IGSF21: variants seen among roughly 807,000 people sequenced by gnomAD.
The protein encoded by IGSF21 is immunoglobin superfamily member 21.
A neutral mutation model predicts 46.8 loss-of-function variants in IGSF21; 28 were observed. The observed-to-expected ratio is 0.60, with a 90% CI of 0.44 to 0.82. The LOEUF (loss-of-function observed/expected upper bound fraction) is 0.82, where lower values mean the gene tolerates loss of function less well. IGSF21 is among the 40% of genes least tolerant of loss of function. IGSF21 has a pLI of 0.00. For missense variants in IGSF21, 624 were observed against 665.5 expected (o/e 0.94, Z 0.69); for synonymous variants, 284 against 273.6 (o/e 1.04, Z -0.38).
intron 6 of IGSF21, among the ~76,000 whole-genome samples, chr1:18,374,144 C>A (rs982293250): frequency 2.0e-5 from 3 of 152,180 alleles, no homozygotes; most frequent in African/African-American, 7.2e-5. Context: ...AAAGAGCCCC[C>A]AAGATTACCC....
At chr1:18,339,522 A>G (rs1489328594) in intron 4 of IGSF21, among the ~76,000 whole-genome samples, 1 of 152,070 alleles carries the variant, frequency 6.6e-6, no homozygotes, top group East Asian at 1.9e-4. Context: ...TCTTGAGCCC[A>G]GGAGTTCTAG....
chr1:18,131,878 A>G (rs11577112), intron 1 of IGSF21, among the ~76,000 whole-genome samples: 23,570 of 152,190 alleles, frequency 0.15, 1,994 homozygotes, highest in African/African-American at 0.2. Context: ...ACACTTGCAT[A>G]CAGGAGAGAC....
chr1:18,218,174 C>G (rs924014860), intron 1 of IGSF21, among the ~76,000 whole-genome samples: 2 of 152,172 alleles, frequency 1.3e-5, no homozygotes, highest in South Asian at 4.1e-4. Context: ...GGGAAACTTA[C>G]AATCATAGCA....
intron 1 of IGSF21, among the ~76,000 whole-genome samples, chr1:18,178,714 C>T (rs1053543457): frequency 1.3e-5 from 2 of 152,128 alleles, no homozygotes; most frequent in South Asian, 2.1e-4. Context: ...GCCCTGGGGT[C>T]GGCTTCTCCG....
At chr1:18,360,521 T>A (rs1016888149) in intron 4 of IGSF21, among the ~76,000 whole-genome samples, 3 of 152,170 alleles carry the variant, frequency 2.0e-5, no homozygotes, top group African/African-American at 7.2e-5. Flanking sequence ...TCCCGGCACC[T>A]AGTAGGTGTC....
At position 18,335,146 on chromosome 1, in the gene IGSF21, T is replaced by A; in HGVS notation, c.424+136T>A. On this transcript the variant is annotated intron_variant, in intron 4 of 9. Coordinates refer to ENST00000251296, the MANE Select transcript of IGSF21 (RefSeq NM_032880.5). This position sits in a 1 kb window ranked among gnomAD's most constrained non-coding sequence, Gnocchi z 4.8. ...TGTTGTGCTGGTGTCTTCCCTTTCC[T>A]GCTCTTGTTGTGGAGGGGCAACCAG... 1.4e-6 allele frequency: 1 copy of A among 702,218 alleles called. No individual in the cohort carries two copies. The highest frequency in any genetic ancestry group is 2.5e-6 in the Non-Finnish European group (1 of 406,088). 43.5% of individuals were successfully genotyped at this position (702,218 alleles called of 1,614,324 possible).
chr1:18,305,834 G>A (rs1459214029), intron 3 of IGSF21, among the ~76,000 whole-genome samples: 4 of 152,196 alleles, frequency 2.6e-5, no homozygotes, highest in Non-Finnish European at 5.9e-5. Context: ...TGCAGGGCAG[G>A]GAAGCCGTCC....
intron 2 of IGSF21, among the ~76,000 whole-genome samples, chr1:18,255,092 C>T (rs949992667): frequency 1.3e-5 from 2 of 152,210 alleles, no homozygotes; most frequent in African/African-American, 4.8e-5. Context: ...AAATTTGGCC[C>T]TGCCCAGATC....
intron 2 of IGSF21, among the ~76,000 whole-genome samples, chr1:18,238,373 A>G (rs915478252): frequency 1.3e-5 from 2 of 152,158 alleles, no homozygotes; most frequent in African/African-American, 4.8e-5. Context: ...ATCCGTCCAG[A>G]CACCACAGCT....
chr1:18,318,281 C>T (rs1321730051), intron 3 of IGSF21, among the ~76,000 whole-genome samples: 1 of 152,140 alleles, frequency 6.6e-6, no homozygotes, highest in East Asian at 1.9e-4. Context: ...CTTATTCTCA[C>T]CTTGCCCTCA....
At chr1:18,262,958 G>T (rs1308758930) in intron 2 of IGSF21, among the ~76,000 whole-genome samples, 1 of 152,182 alleles carries the variant, frequency 6.6e-6, no homozygotes, top group Non-Finnish European at 1.5e-5. Flanking sequence ...CCCCACCCCG[G>T]GGTAGCTCCC....
chr1:18,276,538 C>T (rs1418190415), intron 2 of IGSF21, among the ~76,000 whole-genome samples: 1 of 152,156 alleles, frequency 6.6e-6, no homozygotes, highest in East Asian at 1.9e-4. Flanking sequence ...TGTCTAGTTT[C>T]AAAGGGAGAG....
chr1:18,265,625 T>G (rs2084982878), intron 2 of IGSF21, among the ~76,000 whole-genome samples: 1 of 152,194 alleles, frequency 6.6e-6, no homozygotes, highest in Non-Finnish European at 1.5e-5. Context: ...CCAGTCCGGT[T>G]TCCAGGCCAA....
At chr1:18,360,969 G>GC (rs35357439) in intron 4 of IGSF21, among the ~76,000 whole-genome samples, 35,612 of 151,994 alleles carry the variant, frequency 0.23, 4,484 homozygotes, top group Admixed American at 0.28. Context: ...CCCTTGCGAT[G>GC]CCCCACGGTG....
At chr1:18,359,444 G>T (rs1468598870) in intron 4 of IGSF21, among the ~76,000 whole-genome samples, 1 of 98,594 alleles carries the variant, frequency 1.0e-5, no homozygotes. Context: ...GGAAGGAAAA[G>T]AGAAAGAAAG....
chr1:18,255,370 G>C (rs1044296680), intron 2 of IGSF21, among the ~76,000 whole-genome samples: 3 of 152,172 alleles, frequency 2.0e-5, no homozygotes, highest in African/African-American at 7.2e-5. Flanking sequence ...CCATGGTCTT[G>C]TGCAGAGAGA....
At chr1:18,358,300 C>T (rs541729414) in intron 4 of IGSF21, among the ~76,000 whole-genome samples, 68 of 152,066 alleles carry the variant, frequency 4.5e-4, no homozygotes, top group South Asian at 3.3e-3. Flanking sequence ...TTCTAATAAC[C>T]GCATTAAGAT....
chr1:18,251,309 A>ACTC (rs1221100413), intron 2 of IGSF21, among the ~76,000 whole-genome samples: 2 of 152,160 alleles, frequency 1.3e-5, no homozygotes. Context: ...ACTGTAGGGG[A>ACTC]GTGTGCTAGT....
intron 1 of IGSF21, among the ~76,000 whole-genome samples, chr1:18,190,398 C>G (rs2086943822): frequency 6.6e-6 from 1 of 152,200 alleles, no homozygotes; most frequent in African/African-American, 2.4e-5. Flanking sequence ...AACACCTAGC[C>G]AGAGGTAGTC....
Sources: allele counts gnomAD v4.1 joint callset (sites outside exome capture counted in the v4.1 genomes callset), GRCh38; gene constraint gnomAD v4.1.1; non-coding constraint Gnocchi (gnomAD v3.1); transcripts MANE v1.5; gene names NCBI Gene and HGNC (gene_info 2026-07-23, HGNC 2026-07-21).